Variants in ACACA observed in about 807,000 individuals in gnomAD.
ACACA encodes the protein acetyl-CoA carboxylase 1.
Under a neutral mutation model 296.1 loss-of-function variants are expected in ACACA, and 103 were observed. That is an observed-to-expected ratio of 0.35 (90% CI 0.30 to 0.41). The LOEUF (loss-of-function observed/expected upper bound fraction) is 0.41. Among genes scored for constraint, ACACA ranks in the 10% least tolerant of loss-of-function variants. ACACA has a pLI of 1.00. For synonymous variants in ACACA, 953 were observed against 1,038.6 expected, an observed-to-expected ratio of 0.92 and a Z score of 1.58; for missense variants, 1,554 against 2,989.7, an observed-to-expected ratio of 0.52 and a Z score of 11.20.
chr17:37,404,244 T>C (rs1165379422), intron 1 of ACACA, among the ~76,000 whole-genome samples: 1 of 152,242 alleles, frequency 6.6e-6, no homozygotes, highest in Non-Finnish European at 1.5e-5. Flanking sequence ...GACACAGATA[T>C]GTCCTAAATG....
At chr17:37,132,490 G>A (rs118089458) in intron 45 of ACACA, among the ~76,000 whole-genome samples, 45 of 152,242 alleles carry the variant, frequency 3.0e-4, no homozygotes, top group Admixed American at 9.8e-4. Flanking sequence ...CTGCCTCTCT[G>A]TTAGAAGGCA....
At chr17:37,307,157 G>A (rs868341486) in intron 3 of ACACA, among the ~76,000 whole-genome samples, 1 of 152,026 alleles carries the variant, frequency 6.6e-6, no homozygotes, top group Non-Finnish European at 1.5e-5. Context: ...TACTATTCAC[G>A]GACATTTGGG....
At chr17:37,270,950 G>C in intron 9 of ACACA, 89 bp from the exon 10 acceptor site, 1 of 880,494 alleles carries the variant, frequency 1.1e-6, no homozygotes, top group Middle Eastern at 2.2e-4. Flanking sequence ...TAAGAATGCA[G>C]TCATTTAGTA....
chr17:37,201,861 ATTTC>A (rs923762779), intron 33 of ACACA, among the ~76,000 whole-genome samples: 1 of 152,196 alleles, frequency 6.6e-6, no homozygotes, highest in African/African-American at 2.4e-5. Flanking sequence ...TTCTTGGGTT[ATTTC>A]TTCCAATTTC....
intron 3 of ACACA, among the ~76,000 whole-genome samples, chr17:37,290,652 C>T (rs931998276): frequency 6.6e-6 from 1 of 152,164 alleles, no homozygotes; most frequent in Non-Finnish European, 1.5e-5. Flanking sequence ...TCAAGTTAAC[C>T]TGCACTGAAT....
At chr17:37,336,336 T>C (rs1406129837) in intron 2 of ACACA, among the ~76,000 whole-genome samples, 1 of 152,126 alleles carries the variant, frequency 6.6e-6, no homozygotes, top group East Asian at 1.9e-4. Flanking sequence ...CAGTTGGGTT[T>C]TCCTGTTGAG....
intron 1 of ACACA, among the ~76,000 whole-genome samples, chr17:37,395,599 C>T (rs2051052695): frequency 6.6e-6 from 1 of 151,798 alleles, no homozygotes; most frequent in Non-Finnish European, 1.5e-5. Context: ...GGCTGGAGTG[C>T]AATGGCGTGA....
rs142848395 is a variant in ACACA at position 37,099,884 on chromosome 17, A to C, written c.6566-1900T>G. 4.9e-3 allele frequency among the ~76,000 whole-genome samples: 751 copies of C among 152,308 alleles called. 5 individuals are homozygous for C. Among genetic ancestry groups the C allele is most frequent in the African/African-American group, 0.017 (705 of 41,558 alleles). On this transcript the variant is annotated intron_variant, in intron 52 of 55. Coordinates refer to ENST00000616317, the MANE Select transcript of ACACA (RefSeq NM_198834.3). ...ACCTGGGGTATATTGTGACAAAAAA[A>C]CAAGGAAGCCCTCAAAAAACGATTG...
rs1192002852 is a variant in ACACA, at chr17:37,252,867, T to G, written c.1977+19A>C. 5 of 1,613,886 alleles carry G rather than the reference T, an allele frequency of 3.1e-6. No homozygotes were observed. The highest frequency in any genetic ancestry group is 4.2e-6 in the Non-Finnish European group (5 of 1,180,026). On this transcript the variant is annotated intron_variant, in intron 15 of 55. Transcript: ENST00000616317. ...TATAAAAACCCAATCCCAGCATCTGTTTGTGGAGAAATACACACCTGTACT... is the reference window on the plus strand; with the variant it reads ...TATAAAAACCCAATCCCAGCATCTGGTTGTGGAGAAATACACACCTGTACT...
chr17:37,373,484 T>C (rs1001852556), intron 1 of ACACA, among the ~76,000 whole-genome samples: 4 of 152,072 alleles, frequency 2.6e-5, no homozygotes, highest in African/African-American at 9.7e-5. Context: ...TGACCTCAAG[T>C]GTCCACCCGC....
In ACACA at chr17:37,406,650, C is replaced by T; in HGVS notation, c.-351G>A. On this transcript the variant is annotated 5_prime_UTR_variant, in exon 1 of 56. In the 5' UTR this introduces an upstream ATG that the reference lacks. Coordinates refer to ENST00000616317, the MANE Select transcript of ACACA (RefSeq NM_198834.3). Reference sequence around the variant, plus strand: ...CCAGGAAGCCTCAGGCAACGGGCCACGCGCCACACGGGCAAAGTGATTACT... The same window carrying T: ...CCAGGAAGCCTCAGGCAACGGGCCATGCGCCACACGGGCAAAGTGATTACT... The T allele has an allele frequency of 6.3e-6, 3 of 479,454 alleles. No individual in the cohort carries two copies. Among genetic ancestry groups the T allele is most frequent in the Non-Finnish European group, 1.1e-5 (3 of 262,884 alleles). 29.7% of individuals were successfully genotyped at this position (479,454 alleles called of 1,614,324 possible). A position where few individuals can be genotyped will look rare whatever the true frequency, so the allele number is the denominator to read the frequency against.
chr17:37,263,661 A>C (rs371532284), intron 11 of ACACA, 24 bp downstream of exon 11: 12 of 1,594,580 alleles, frequency 7.5e-6, no homozygotes, highest in Non-Finnish European at 1.0e-5. Context: ...AGAAAACATA[A>C]AGTAAGCCTT....
intron 11 of ACACA, among the ~76,000 whole-genome samples, chr17:37,262,475 A>G (rs2081559035): frequency 6.6e-6 from 1 of 152,198 alleles, no homozygotes. Context: ...TTTTTGGTAA[A>G]GAGCCAGATA....
rs2047827983 is a variant in ACACA at position 37,330,549 on chromosome 17, C to G, written c.86-124G>C. 2.5e-6 allele frequency: 3 copies of G among 1,209,328 alleles called. No individual in the cohort carries two copies. The Admixed American group carries it at 5.8e-5, about 23-fold the overall frequency. The allele number at this position is 1,209,328 out of a possible 1,614,324, so 74.9% of individuals were successfully genotyped here. ...GGAAGCAAGGCAATTTGAGAACTAA[C>G]TTCCTTGGCTATTCTATTTCAGGGC... On this transcript the variant is annotated intron_variant, in intron 2 of 55. Transcript: ENST00000616317.
intron 1 of ACACA, among the ~76,000 whole-genome samples, chr17:37,382,808 T>C (rs1422810720): frequency 1.3e-5 from 2 of 151,976 alleles, no homozygotes; most frequent in Non-Finnish European, 2.9e-5. Flanking sequence ...TGTAGGGAGC[T>C]GAGATCACGC....
At chr17:37,207,901 G>T in intron 30 of ACACA, 101 bp from the exon 31 acceptor site, 1 of 1,419,366 alleles carries the variant, frequency 7.0e-7, no homozygotes, top group Non-Finnish European at 9.9e-7. Flanking sequence ...CTCTGAAGTA[G>T]GGTCAGGTTG....
intron 45 of ACACA, among the ~76,000 whole-genome samples, chr17:37,133,374 G>C (rs1437559151): frequency 6.6e-6 from 1 of 152,204 alleles, no homozygotes; most frequent in Non-Finnish European, 1.5e-5. Context: ...AGGGGTCGTT[G>C]CTGACTCAAG....
intron 1 of ACACA, among the ~76,000 whole-genome samples, chr17:37,388,451 G>A (rs2050645923): frequency 6.6e-6 from 1 of 152,052 alleles, no homozygotes; most frequent in African/African-American, 2.4e-5. Flanking sequence ...GACTCAGTGG[G>A]AAGAGAGTGC....
At chr17:37,368,454 A>T (rs947156822) in intron 1 of ACACA, among the ~76,000 whole-genome samples, 1 of 151,606 alleles carries the variant, frequency 6.6e-6, no homozygotes, top group Non-Finnish European at 1.5e-5. Flanking sequence ...GGTGGCGGGA[A>T]CCTGTAATCC....
Sources: gnomAD v4.1 joint callset for allele counts (sites outside exome capture counted in the v4.1 genomes callset) on GRCh38, gnomAD v4.1.1 for gene constraint, MANE v1.5 for transcripts, NCBI Gene and HGNC (gene_info 2026-07-23, HGNC 2026-07-21) for gene names.